The following PDE4D variants were observed in gnomAD, a reference collection of about 807,000 sequenced individuals.
PDE4D encodes the protein phosphodiesterase 4D.
A neutral mutation model predicts 87.4 loss-of-function variants in PDE4D; 24 were observed. The observed-to-expected ratio is 0.27, with a 90% CI of 0.20 to 0.39. The LOEUF (loss-of-function observed/expected upper bound fraction) is 0.39, where lower values mean the gene tolerates loss of function less well. Among genes scored for constraint, PDE4D ranks in the 10% least tolerant of loss-of-function variants. The pLI is 1.00. For synonymous variants in PDE4D, 384 were observed against 383.2 expected, an observed-to-expected ratio of 1.00 and a Z score of -0.02; for missense variants, 714 against 1,041.0, an observed-to-expected ratio of 0.69 and a Z score of 4.32.
chr5:59,568,867 T>C (rs1222633810), intron 1 of PDE4D, among the ~76,000 whole-genome samples: 1 of 152,074 alleles, frequency 6.6e-6, no homozygotes, highest in Non-Finnish European at 1.5e-5. Context: ...TAGGTAAAAC[T>C]AAGGATATAT....
At chr5:60,311,265 G>A (rs1263969080) in intron 1 of PDE4D, among the ~76,000 whole-genome samples, 2 of 152,030 alleles carry the variant, frequency 1.3e-5, no homozygotes, top group Non-Finnish European at 1.5e-5. Flanking sequence ...CAGGTGATCC[G>A]CCCGCCTTGG....
intron 3 of PDE4D, among the ~76,000 whole-genome samples, chr5:59,935,051 AG>A (rs1395391441): frequency 6.6e-6 from 1 of 152,182 alleles, no homozygotes; most frequent in Non-Finnish European, 1.5e-5. Context: ...GGGGCCTAAC[AG>A]TAAGAAGTAT....
At chr5:59,462,850 G>A (rs2153646928) in intron 1 of PDE4D, among the ~76,000 whole-genome samples, 1 of 151,986 alleles carries the variant, frequency 6.6e-6, no homozygotes, top group East Asian at 1.9e-4. Context: ...TCAAAACAAA[G>A]GGAGCAGAAT....
At chr5:60,316,064 A>G (rs934014066) in intron 1 of PDE4D, among the ~76,000 whole-genome samples, 8 of 152,178 alleles carry the variant, frequency 5.3e-5, no homozygotes, top group Admixed American at 5.2e-4. Flanking sequence ...TTGAATCGAT[A>G]AATTACCTTG....
chr5:59,105,080 C>T (rs1221024951), intron 5 of PDE4D, among the ~76,000 whole-genome samples: 2 of 152,174 alleles, frequency 1.3e-5, no homozygotes, highest in African/African-American at 2.4e-5. Flanking sequence ...TGGAACTGTG[C>T]CACATCAAAC....
intron 1 of PDE4D, among the ~76,000 whole-genome samples, chr5:59,778,620 T>G (rs1187346767): frequency 6.6e-6 from 1 of 152,116 alleles, no homozygotes; most frequent in East Asian, 1.9e-4. Flanking sequence ...GACAAAGAAA[T>G]CCTCTTGATA....
chr5:60,321,022 G>T (rs1364876641), intron 1 of PDE4D, among the ~76,000 whole-genome samples: 1 of 152,068 alleles, frequency 6.6e-6, no homozygotes, highest in Non-Finnish European at 1.5e-5. Context: ...AACTACCAAT[G>T]ACATTTTCCA....
intron 1 of PDE4D, among the ~76,000 whole-genome samples, chr5:59,468,839 T>C (rs1031583962): frequency 2.0e-5 from 3 of 152,214 alleles, no homozygotes; most frequent in East Asian, 1.9e-4. Context: ...AATGCAACCA[T>C]AGGCCTAACT....
intron 1 of PDE4D, among the ~76,000 whole-genome samples, chr5:60,216,670 T>A (rs1421585591): frequency 6.6e-6 from 1 of 152,040 alleles, no homozygotes; most frequent in African/African-American, 2.4e-5. Context: ...AAATAAACTT[T>A]AAATCAAAAA....
At chr5:60,423,607 C>T (rs888795174) in intron 1 of PDE4D, among the ~76,000 whole-genome samples, 8 of 151,722 alleles carry the variant, frequency 5.3e-5, no homozygotes, top group South Asian at 2.1e-4. Flanking sequence ...GATCTAAAAT[C>T]GACACCTTAA....
chr5:59,195,839 T>A (rs918730762), intron 2 of PDE4D, among the ~76,000 whole-genome samples: 1 of 152,216 alleles, frequency 6.6e-6, no homozygotes, highest in African/African-American at 2.4e-5. Flanking sequence ...TTTTAAATCA[T>A]AATGATTTTT....
rs367605151 is a variant in PDE4D, at chr5:59,688,192, T to C, written c.455+204976A>G. Among the ~76,000 whole-genome samples, 23 of 152,258 alleles carry C rather than the reference T, an allele frequency of 1.5e-4. No individual in the cohort carries two copies. In the East Asian group the frequency reaches 3.1e-3, roughly 20 times the overall value. Reference sequence around the variant, plus strand: ...GAAAGTTAACAAGGTTATCCAGGAATTGAACTCAGCTCTGCACCAAGTGGA... The same window carrying C: ...GAAAGTTAACAAGGTTATCCAGGAACTGAACTCAGCTCTGCACCAAGTGGA... On this transcript the variant is annotated intron_variant, in intron 1 of 14. Coordinates refer to ENST00000340635, the MANE Select transcript of PDE4D (RefSeq NM_001104631.2).
intron 1 of PDE4D, among the ~76,000 whole-genome samples, chr5:59,668,807 G>GAAGA (rs1328768880): frequency 1.5e-5 from 1 of 67,732 alleles, no homozygotes. Context: ...GAAGAAGAAA[G>GAAGA]AAGAAGAAGA....
chr5:59,323,515 A>G (rs1239094894), intron 1 of PDE4D, among the ~76,000 whole-genome samples: 1 of 152,002 alleles, frequency 6.6e-6, no homozygotes, highest in Non-Finnish European at 1.5e-5. Context: ...GGATATCCTA[A>G]CTCAGTAAAT....
At chr5:60,388,399 A>G (rs1369302107) in intron 1 of PDE4D, among the ~76,000 whole-genome samples, 4 of 146,172 alleles carry the variant, frequency 2.7e-5, no homozygotes, top group Admixed American at 1.3e-4. Flanking sequence ...TTTTTTCTAA[A>G]AAAAAAATGG....
At chr5:59,189,495 C>T (rs1019881124) in intron 3 of PDE4D, among the ~76,000 whole-genome samples, 5 of 152,056 alleles carry the variant, frequency 3.3e-5, no homozygotes, top group African/African-American at 1.2e-4. Context: ...TAACATTACA[C>T]ACTTCCACAT....
intron 2 of PDE4D, among the ~76,000 whole-genome samples, chr5:60,007,479 G>T (rs1445383385): frequency 2.6e-5 from 4 of 151,806 alleles, no homozygotes; most frequent in Non-Finnish European, 4.4e-5. Flanking sequence ...TCAACTATTG[G>T]ATATTTTCAT....
chr5:60,504,266 T>TG (rs1750226078), intron 1 of PDE4D, among the ~76,000 whole-genome samples: 1 of 152,026 alleles, frequency 6.6e-6, no homozygotes, highest in Non-Finnish European at 1.5e-5. Context: ...TTATGCATTT[T>TG]TTTTTTGCTT....
At chr5:59,763,978 T>C (rs1762480755) in intron 1 of PDE4D, among the ~76,000 whole-genome samples, 1 of 152,104 alleles carries the variant, frequency 6.6e-6, no homozygotes, top group Non-Finnish European at 1.5e-5. Context: ...TACTTCCAGT[T>C]GGGAGAACTG....
Sources: allele counts gnomAD v4.1 joint callset (sites outside exome capture counted in the v4.1 genomes callset), GRCh38; gene constraint gnomAD v4.1.1; transcripts MANE v1.5; gene names NCBI Gene and HGNC (gene_info 2026-07-23, HGNC 2026-07-21).